IMPDH2: variants seen among roughly 807,000 people sequenced by gnomAD.
The protein encoded by IMPDH2 is inosine monophosphate dehydrogenase 2, also known as inosine-5'-monophosphate dehydrogenase 2.
Under a neutral mutation model 57.8 loss-of-function variants are expected in IMPDH2, and 33 were observed. The ratio of observed to expected loss-of-function variants is 0.57; its 90% CI spans 0.43 to 0.76. The LOEUF is 0.76. Ranked by LOEUF, IMPDH2 falls within the 30% of genes least tolerant of loss-of-function variation. The probability of loss-of-function intolerance (pLI) is 0.00; values close to 1 mark genes in which losing one functional copy is unlikely to be tolerated. For synonymous variants in IMPDH2, 270 were observed against 241.3 expected (o/e 1.12, Z -1.10); for missense variants, 446 against 659.1 (o/e 0.68, Z 3.54).
intron 5 of IMPDH2, 96 bp from the exon 6 acceptor site, chr3:49,027,143 C>T (rs72624911): frequency 0.039 from 35,705 of 904,786 alleles, 938 homozygotes; most frequent in South Asian, 0.047. Flanking sequence ...CAGAGGCACG[C>T]GCCACCACAC....
chr3:49,026,495 C>T, intron 8 of IMPDH2, 24 bp downstream of exon 8: 1 of 1,606,774 alleles, frequency 6.2e-7, no homozygotes, highest in Non-Finnish European at 8.5e-7. Context: ...ACCACACATC[C>T]TTCAGGGCAC....
Position 49,024,897 on chromosome 3 carries a change from T to C in IMPDH2, c.1294A>G (p.Ser432Gly). ...GGGTAACTGGCTTGCCTGTCCCACC[T>C]GAAATATCTGTTCTGGCTGCTGAGG... Reference protein sequence around the residue: ...KHLSSQNRYFSEADKIKVAQG... With the variant: ...KHLSSQNRYFGEADKIKVAQG... The change falls in exon 11 of 14, where the codon AGT becomes GGT. Residue 432 changes from serine to glycine, a missense_variant and splice_region_variant. Ser to Gly is a moderately conservative substitution (Grantham distance 56). Transcript: ENST00000326739. 6.2e-7 allele frequency: 1 copy of C among 1,614,242 alleles called. No homozygotes were observed. Among genetic ancestry groups the C allele is most frequent in the South Asian group, 1.1e-5 (1 of 91,088 alleles).
At position 49,024,733 on chromosome 3, in the gene IMPDH2, T is replaced by C. The variant is rs2093189844; in HGVS notation, c.1365A>G (p.Lys455=). ...TGCCAGCAATCAGGTAAGGGACAAA[T>C]TTGTGGATTGACCCTTTGTCCTGCA... The part of the protein sequence containing the change: ...GAVQDKGSIH[K]FVPYLIAGIQ... Residue 455 remains lysine, a synonymous_variant, in exon 12 of 14, where the codon AAA becomes AAG. Coordinates refer to ENST00000326739, the MANE Select transcript of IMPDH2 (RefSeq NM_000884.3). 1 of 1,614,076 alleles carries C rather than the reference T, an allele frequency of 6.2e-7. No homozygotes were observed. The highest frequency in any genetic ancestry group is 8.5e-7 in the Non-Finnish European group (1 of 1,179,998).
chr3:49,026,696 T>C lies in IMPDH2; in HGVS notation c.810A>G (p.Val270=), dbSNP rs771750284. The change falls in exon 7 of 14, where the codon GTA becomes GTG. Residue 270 remains valine, a synonymous_variant. Coordinates refer to ENST00000326739, the MANE Select transcript of IMPDH2 (RefSeq NM_000884.3). ...LDLLAQAGVD[V]VVLDSSQGNS... The stretch of plus-strand genomic sequence containing the variant: ...CTGTGTAGCAGCTCACCAAAACCAC[T>C]ACATCCACACCAGCCTGGGCGAGCA... The C allele has an allele frequency of 1.2e-6, 2 of 1,613,980 alleles. No individual in the cohort carries two copies. The highest frequency in any genetic ancestry group is 2.7e-5 in the African/African-American group (2 of 74,920).
chr3:49,027,081 T>C (rs2093202827), intron 5 of IMPDH2, 34 bp from the exon 6 acceptor site: 1 of 1,468,088 alleles, frequency 6.8e-7, no homozygotes, highest in African/African-American at 1.4e-5. Flanking sequence ...GAAGGGCCAG[T>C]CATCGACTAT....
rs746086983 is a variant in IMPDH2, at chr3:49,026,771, C to G, written c.735G>C (p.Leu245=). Reference sequence around the variant, plus strand: ...CATGAGTGCCAATGGCTGCCCCACACAGCAGCTGTTTCTTGGCATCTTTGG... The same window carrying G: ...CATGAGTGCCAATGGCTGCCCCACAGAGCAGCTGTTTCTTGGCATCTTTGG... ...LASKDAKKQL[L]CGAAIGTHED... Residue 245 remains leucine, a synonymous_variant, in exon 7 of 14, where the codon CTG becomes CTC. Transcript: ENST00000326739. 3.1e-6 allele frequency: 5 copies of G among 1,614,116 alleles called. No homozygotes were observed. In the African/African-American group the frequency reaches 5.3e-5, roughly 17 times the overall value.
rs561565354 is a variant in IMPDH2, at chr3:49,028,337, G to C, written c.250-15C>G. The C allele has an allele frequency of 2.5e-5, 41 of 1,613,144 alleles. No individual in the cohort carries two copies. The East Asian group carries it at 7.4e-4, about 29-fold the overall frequency. On this transcript the variant is annotated splice_polypyrimidine_tract_variant and intron_variant, in intron 3 of 13. Transcript: ENST00000326739. ...CCGCCTGTAAGCTACAGGATAAAAA[G>C]AGACTACTACTAAGTGACAAGAAGC...
In IMPDH2 at chr3:49,028,895, C is replaced by T; in HGVS notation, c.99-89G>A. 1.1e-5 allele frequency: 11 copies of T among 1,037,284 alleles called. No homozygotes were observed. The South Asian group carries it at 1.4e-4, about 14-fold the overall frequency. 64.3% of individuals were successfully genotyped at this position (1,037,284 alleles called of 1,614,324 possible). ...CCCATGTACCAATCAACCCGTAACGCATGTGAGCAGAGAGTGGCACTGACA... is the reference window on the plus strand; with the variant it reads ...CCCATGTACCAATCAACCCGTAACGTATGTGAGCAGAGAGTGGCACTGACA... On this transcript the variant is annotated intron_variant, in intron 1 of 13. Coordinates refer to ENST00000326739, the MANE Select transcript of IMPDH2 (RefSeq NM_000884.3).
rs570950750 is a variant in IMPDH2 at position 49,027,834 on chromosome 3, C to T, written c.407G>A (p.Arg136Gln). 477 of 1,614,198 alleles carry T rather than the reference C, an allele frequency of 3.0e-4. 6 individuals are homozygous for T. The South Asian group carries it at 4.9e-3, about 17-fold the overall frequency. ...GATTGGGATACCGCAGAAACCATGCCGGGCCTTGGCCTCAAAAACATCCCG... is the reference window on the plus strand; with the variant it reads ...GATTGGGATACCGCAGAAACCATGCTGGGCCTTGGCCTCAAAAACATCCCG... Reference protein sequence around the residue: ...RVRDVFEAKARHGFCGIPITD... With the variant: ...RVRDVFEAKAQHGFCGIPITD... The change falls in exon 5 of 14, where the codon CGG (arginine) becomes CAG (glutamine). Residue 136 changes from arginine to glutamine, a missense_variant. Coordinates refer to ENST00000326739, the MANE Select transcript of IMPDH2 (RefSeq NM_000884.3).
Position 49,029,244 on chromosome 3 carries a change from G to A in IMPDH2, c.98+9C>T. The A allele has an allele frequency of 6.3e-7, 1 of 1,589,662 alleles. No individual in the cohort carries two copies. The highest frequency in any genetic ancestry group is 1.1e-5 in the South Asian group (1 of 88,136). On this transcript the variant is annotated intron_variant, in intron 1 of 13. Transcript: ENST00000326739. ...TCTCTTCGCCCAGGTGAGCCCCATA[G>A]GCCCGCACTTGTAGGTGAGGCCGTC...
At position 49,025,156 on chromosome 3, in the gene IMPDH2, C is replaced by T; in HGVS notation, c.1120G>A (p.Ala374Thr). The change falls in exon 10 of 14, where the codon GCG (alanine) becomes ACG (threonine). Residue 374 changes from alanine to threonine, a missense_variant. Transcript: ENST00000326739. ...DGGIQNVGHI[A>T]KALALGASTV... ...GAGGCCCCAAGGGCCAAGGCTTTCGCAATATGACCCACATTTTGGATTCCT... is the reference window on the plus strand; with the variant it reads ...GAGGCCCCAAGGGCCAAGGCTTTCGTAATATGACCCACATTTTGGATTCCT... The T allele has an allele frequency of 6.2e-7, 1 of 1,614,208 alleles. No individual in the cohort carries two copies. Among genetic ancestry groups the T allele is most frequent in the Non-Finnish European group, 8.5e-7 (1 of 1,180,028 alleles).
chr3:49,029,078 T>C (rs1294849478), intron 1 of IMPDH2, 175 bp downstream of exon 1: 1 of 665,586 alleles, frequency 1.5e-6, no homozygotes, highest in Non-Finnish European at 2.7e-6. Context: ...GAGATGCTTC[T>C]CCGTACCCCA....
At position 49,028,442 on chromosome 3, in the gene IMPDH2, T is replaced by C; in HGVS notation, c.238A>G (p.Ile80Val). The part of the protein sequence containing the change: ...MDTVTEAGMA[I>V]AMALTGGIGF... ...CCCATGGGGCTCACCGCCATTGCTA[T>C]GGCCATCCCAGCCTCTGTGACTGTG... Residue 80 changes from isoleucine (I) to valine (V), a missense_variant, in exon 3 of 14, where the codon ATA (isoleucine) becomes GTA (valine). Coordinates refer to ENST00000326739, the MANE Select transcript of IMPDH2 (RefSeq NM_000884.3). 1 of 1,613,950 alleles carries C rather than the reference T, an allele frequency of 6.2e-7. No individual in the cohort carries two copies.
In IMPDH2 at chr3:49,029,392, C is replaced by A. The variant is rs376520838; in HGVS notation, c.-42G>T. ...CGCCGCGTGTCTCCGAGGACCGCGC[C>A]GCAGAGACCTCTGCCGTCTGGGCCG... On this transcript the variant is annotated 5_prime_UTR_variant, in exon 1 of 14. Transcript: ENST00000326739. 5 of 1,353,668 alleles carry A rather than the reference C, an allele frequency of 3.7e-6. No individual in the cohort carries two copies. In the East Asian group the frequency reaches 1.2e-4, roughly 33 times the overall value. The allele number at this position is 1,353,668 out of a possible 1,614,324, so 83.9% of individuals were successfully genotyped here.
At position 49,026,892 on chromosome 3, in the gene IMPDH2, G is replaced by C. The variant is rs1324640261; in HGVS notation, c.620-6C>G. 1 of 1,614,152 alleles carries C rather than the reference G, an allele frequency of 6.2e-7. No homozygotes were observed. Among genetic ancestry groups the C allele is most frequent in the South Asian group, 1.1e-5 (1 of 91,090 alleles). The stretch of plus-strand genomic sequence containing the variant: ...ATTTACAATGGGCAACTTTCCTGTG[G>C]TCAGGGCAGGACATGAATCAGGACC... On this transcript the variant is annotated splice_polypyrimidine_tract_variant and splice_region_variant and intron_variant, in intron 6 of 13. Transcript: ENST00000326739.
intron 9 of IMPDH2, chr3:49,026,019 G>A (rs761572435): frequency 5.9e-6 from 3 of 509,508 alleles, no homozygotes; most frequent in East Asian, 1.1e-4. Flanking sequence ...ACAGTAGAAG[G>A]GCATTTGGGG....
intron 13 of IMPDH2, 44 bp downstream of exon 13, chr3:49,024,451 G>T: frequency 6.2e-7 from 1 of 1,614,146 alleles, no homozygotes; most frequent in Non-Finnish European, 8.5e-7. Flanking sequence ...GAGAAAGGAG[G>T]CATGAGGTAT....
At chr3:49,027,563 G>A in intron 5 of IMPDH2, 147 bp downstream of exon 5, 1 of 679,990 alleles carries the variant, frequency 1.5e-6, no homozygotes, top group East Asian at 2.6e-5. Flanking sequence ...GGGAAAGGAT[G>A]CAGGAACCCA....
chr3:49,027,582 G>C, intron 5 of IMPDH2, 128 bp downstream of exon 5: 1 of 773,066 alleles, frequency 1.3e-6, no homozygotes, highest in South Asian at 1.7e-5. Context: ...CAATAAAGGA[G>C]TCAGAAACTT....
Sources: gnomAD v4.1 joint callset for allele counts on GRCh38, gnomAD v4.1.1 for gene constraint, MANE v1.5 for transcripts, NCBI Gene and HGNC (gene_info 2026-07-23, HGNC 2026-07-21) for gene names.